MDFIC2: variants seen among roughly 807,000 people sequenced by gnomAD.
MDFIC2 encodes myoD family inhibitor domain-containing protein 2.
intron 2 of MDFIC2, among the ~76,000 whole-genome samples, chr3:70,274,007 C>G (rs963765876): frequency 1.1e-4 from 17 of 150,534 alleles, no homozygotes; most frequent in Admixed American, 2.0e-4. Context: ...TCTCTCAAAA[C>G]TAAGATGCCA....
intron 2 of MDFIC2, among the ~76,000 whole-genome samples, chr3:70,267,700 G>C (rs1273794413): frequency 6.6e-6 from 1 of 151,686 alleles, no homozygotes; most frequent in Non-Finnish European, 1.5e-5. Flanking sequence ...ACAGGCGAGA[G>C]CCACCCCGCC....
intron 2 of MDFIC2, among the ~76,000 whole-genome samples, chr3:70,308,564 T>C (rs1271876815): frequency 4.6e-5 from 7 of 152,142 alleles, no homozygotes; most frequent in Non-Finnish European, 1.5e-5. Context: ...CATGACCCAT[T>C]TGGGGAAAGT....
chr3:70,250,398 C>A (rs1404897768), intron 2 of MDFIC2, among the ~76,000 whole-genome samples: 1 of 144,966 alleles, frequency 6.9e-6, no homozygotes, highest in East Asian at 2.1e-4. Flanking sequence ...CGGTATTTTT[C>A]TTTTAATGAA....
intron 2 of MDFIC2, among the ~76,000 whole-genome samples, chr3:70,266,729 A>G (rs748762439): frequency 5.9e-5 from 9 of 152,162 alleles, no homozygotes; most frequent in Non-Finnish European, 1.2e-4. Flanking sequence ...TAGAGATGTG[A>G]GCCACTGCAC....
chr3:70,310,693 G>T (rs1230496457), intron 2 of MDFIC2, among the ~76,000 whole-genome samples: 5 of 152,090 alleles, frequency 3.3e-5, no homozygotes, highest in Admixed American at 2.6e-4. Context: ...TTAGGGTTGG[G>T]GGTAGGGTGA....
chr3:70,239,957 C>A (rs1701650270), intron 2 of MDFIC2, among the ~76,000 whole-genome samples: 1 of 151,908 alleles, frequency 6.6e-6, no homozygotes, highest in South Asian at 2.1e-4. Flanking sequence ...CTTTCACTGA[C>A]CAAAGTAGTA....
chr3:70,258,054 T>C (rs553464146), intron 2 of MDFIC2, among the ~76,000 whole-genome samples: 2 of 152,200 alleles, frequency 1.3e-5, no homozygotes, highest in Middle Eastern at 3.2e-3. Flanking sequence ...CATTAGATGG[T>C]GCTAGAAGAA....
At chr3:70,244,924 A>G (rs562831066) in intron 2 of MDFIC2, among the ~76,000 whole-genome samples, 25 of 152,312 alleles carry the variant, frequency 1.6e-4, no homozygotes, top group Non-Finnish European at 2.8e-4. Context: ...CTTCAGGACT[A>G]TAAATTCTGA....
intron 2 of MDFIC2, among the ~76,000 whole-genome samples, chr3:70,271,081 T>C (rs1170339193): frequency 6.6e-6 from 1 of 152,132 alleles, no homozygotes; most frequent in Admixed American, 6.5e-5. Flanking sequence ...AATTAAATCA[T>C]AGGCCATTTA....
chr3:70,207,675 A>G (rs941139427), intron 2 of MDFIC2, among the ~76,000 whole-genome samples: 1 of 152,116 alleles, frequency 6.6e-6, no homozygotes, highest in African/African-American at 2.4e-5. Flanking sequence ...TACAAATAAA[A>G]AACAATACAG....
At chr3:70,245,879 A>T (rs904517291) in intron 2 of MDFIC2, among the ~76,000 whole-genome samples, 1 of 151,238 alleles carries the variant, frequency 6.6e-6, no homozygotes, top group African/African-American at 2.4e-5. Context: ...GAGGGCTGCC[A>T]TTGCCAATTT....
At chr3:70,300,636 T>C (rs1316332464) in intron 2 of MDFIC2, among the ~76,000 whole-genome samples, 4 of 152,106 alleles carry the variant, frequency 2.6e-5, no homozygotes, top group Non-Finnish European at 5.9e-5. Flanking sequence ...AAGAACTAGT[T>C]ATTTCTCCCA....
At chr3:70,213,810 A>G (rs1701373727) in intron 2 of MDFIC2, among the ~76,000 whole-genome samples, 1 of 152,150 alleles carries the variant, frequency 6.6e-6, no homozygotes. Context: ...GAAAATTATC[A>G]GCCAGGGTCA....
chr3:70,294,093 A>G (rs1702266733), intron 2 of MDFIC2, among the ~76,000 whole-genome samples: 1 of 152,026 alleles, frequency 6.6e-6, no homozygotes, highest in Admixed American at 6.6e-5. Context: ...TTTTAAGTTG[A>G]CTCATCTAAG....
chr3:70,255,780 C>T (rs1045949090), intron 2 of MDFIC2, among the ~76,000 whole-genome samples: 3 of 152,184 alleles, frequency 2.0e-5, no homozygotes, highest in African/African-American at 7.2e-5. Context: ...TCAACTGCAG[C>T]TTATGTGCCC....
chr3:70,267,574 T>TG (rs367935584), intron 2 of MDFIC2, among the ~76,000 whole-genome samples: 15,106 of 102,206 alleles, frequency 0.15, 1,252 homozygotes, highest in Admixed American at 0.23. Flanking sequence ...GGCTAATTTT[T>TG]TGTATTTTTT....
chr3:70,309,715 C>T (rs78937718), intron 2 of MDFIC2, among the ~76,000 whole-genome samples: 2,020 of 152,240 alleles, frequency 0.013, 31 homozygotes, highest in African/African-American at 0.045. Flanking sequence ...AAAACTAACT[C>T]ATCCTGATAA....
chr3:70,293,706 A>G (rs1044521255), intron 2 of MDFIC2, among the ~76,000 whole-genome samples: 2 of 152,106 alleles, frequency 1.3e-5, no homozygotes, highest in Non-Finnish European at 2.9e-5. Flanking sequence ...TTTCACTAGA[A>G]GTAACAGGAT....
At chr3:70,237,304 A>G (rs1187897192) in intron 2 of MDFIC2, among the ~76,000 whole-genome samples, 1 of 152,126 alleles carries the variant, frequency 6.6e-6, no homozygotes, top group African/African-American at 2.4e-5. Context: ...ATATAGACAG[A>G]CCTCTATTAA....
Sources: gnomAD v4.1 joint callset for allele counts (sites outside exome capture counted in the v4.1 genomes callset) on GRCh38, gnomAD v4.1.1 for gene constraint, MANE v1.5 for transcripts, NCBI Gene and HGNC (gene_info 2026-07-23, HGNC 2026-07-21) for gene names.